The following AUTS2 variants were observed in gnomAD, a reference collection of about 807,000 sequenced individuals.
The protein encoded by AUTS2 is autism susceptibility gene 2 protein.
A neutral mutation model predicts 112.4 loss-of-function variants in AUTS2; 17 were observed. The observed-to-expected ratio is 0.15, with a 90% CI of 0.10 to 0.23. The LOEUF is 0.23. Among genes scored for constraint, AUTS2 ranks in the 10% least tolerant of loss-of-function variants. AUTS2 has a pLI of 1.00. For synonymous variants in AUTS2, 751 were observed against 702.7 expected (o/e 1.07, Z -1.09); for missense variants, 1,510 against 1,701.6 (o/e 0.89, Z 1.98).
chr7:70,720,099 T>C (rs1464533473), intron 6 of AUTS2, among the ~76,000 whole-genome samples: 1 of 152,140 alleles, frequency 6.6e-6, no homozygotes, highest in Non-Finnish European at 1.5e-5. Flanking sequence ...TCCCCTACTT[T>C]AAAAAGCCTT....
chr7:70,775,341 C>G lies in AUTS2; in HGVS notation c.1903-16C>G, dbSNP rs1790617630. 4 of 1,611,002 alleles carry G rather than the reference C, an allele frequency of 2.5e-6. No individual in the cohort carries two copies. The South Asian group carries it at 4.4e-5, about 18-fold the overall frequency. On this transcript the variant is annotated splice_polypyrimidine_tract_variant and intron_variant, in intron 12 of 18. Transcript: ENST00000342771. Reference sequence around the variant, plus strand: ...AGTGACAGGCATGTAACCAAGTTGTCATTTTCTCTTCACAGTTGACAGATC... The same window carrying G: ...AGTGACAGGCATGTAACCAAGTTGTGATTTTCTCTTCACAGTTGACAGATC...
At chr7:69,992,116 T>C (rs1798763981) in intron 2 of AUTS2, among the ~76,000 whole-genome samples, 1 of 152,240 alleles carries the variant, frequency 6.6e-6, no homozygotes, top group Non-Finnish European at 1.5e-5. Context: ...TTTTTGCTAG[T>C]GTTCCCATCT....
At chr7:69,847,799 G>T (rs1205522467) in intron 1 of AUTS2, among the ~76,000 whole-genome samples, 1 of 152,156 alleles carries the variant, frequency 6.6e-6, no homozygotes, top group African/African-American at 2.4e-5. Context: ...GAAGCTGGAG[G>T]GCTCTAAACT....
intron 1 of AUTS2, among the ~76,000 whole-genome samples, chr7:69,667,042 A>AG (rs1202901905): frequency 2.0e-5 from 3 of 152,194 alleles, no homozygotes; most frequent in Non-Finnish European, 4.4e-5. Flanking sequence ...GAGAAATCCA[A>AG]GGTTGAGGGG....
At chr7:70,456,068 A>G (rs924029829) in intron 5 of AUTS2, among the ~76,000 whole-genome samples, 4 of 152,202 alleles carry the variant, frequency 2.6e-5, no homozygotes, top group Admixed American at 2.6e-4. Flanking sequence ...AGGATGTAAT[A>G]AGATGTTTAT....
chr7:70,190,357 A>C (rs1033793831), intron 4 of AUTS2, among the ~76,000 whole-genome samples: 2 of 152,208 alleles, frequency 1.3e-5, no homozygotes, highest in Non-Finnish European at 2.9e-5. Context: ...TTTTCTTTCA[A>C]ATATGATAAT....
chr7:70,721,688 C>A (rs1461574799), intron 6 of AUTS2, among the ~76,000 whole-genome samples: 3 of 152,156 alleles, frequency 2.0e-5, no homozygotes, highest in African/African-American at 4.8e-5. Context: ...CAGATATTGA[C>A]CCTGAGTCTA....
chr7:70,717,099 A>G (rs1255945845), intron 6 of AUTS2, among the ~76,000 whole-genome samples: 2 of 150,742 alleles, frequency 1.3e-5, no homozygotes. Flanking sequence ...TGGCACGGTC[A>G]TAGCTTACTG....
chr7:70,204,860 G>T (rs11764141), intron 4 of AUTS2, among the ~76,000 whole-genome samples: 1 of 151,966 alleles, frequency 6.6e-6, no homozygotes, highest in Non-Finnish European at 1.5e-5. Flanking sequence ...TCCATATTCT[G>T]CTATCTATGG....
chr7:70,087,022 G>C (rs548292625), intron 2 of AUTS2, among the ~76,000 whole-genome samples: 6 of 151,702 alleles, frequency 4.0e-5, no homozygotes, highest in African/African-American at 1.4e-4. Context: ...GAAGTGGTGA[G>C]AGTGTACATG....
intron 5 of AUTS2, among the ~76,000 whole-genome samples, chr7:70,510,273 G>C (rs1481889553): frequency 6.6e-6 from 1 of 152,144 alleles, no homozygotes; most frequent in Non-Finnish European, 1.5e-5. Context: ...CATATCTTAG[G>C]CACTACAATT....
rs549991108 is a variant in AUTS2 at position 69,782,583 on chromosome 7, A to G, written c.310-116703A>G. Among the ~76,000 whole-genome samples the G allele has an allele frequency of 3.9e-5, 6 of 152,194 alleles. No homozygotes were observed. The South Asian group carries it at 1.2e-3, about 32-fold the overall frequency. On this transcript the variant is annotated intron_variant, in intron 1 of 18. Transcript: ENST00000342771. ...CTTTTTCCCAGCTGGTTCCTGGGTT[A>G]TATTGCCAAAGTCCCTGGTTGGTAT...
rs1808967840 is a variant in AUTS2, at chr7:70,694,636, G to C, written c.691-3933G>C. ...CTCTTCTCCGCCTCGCCCTCCCGCCGGCCGGCCCGGGACGCGCCTTGTTAG... is the reference window on the plus strand; with the variant it reads ...CTCTTCTCCGCCTCGCCCTCCCGCCCGCCGGCCCGGGACGCGCCTTGTTAG... On this transcript the variant is annotated intron_variant, in intron 5 of 18. Coordinates refer to ENST00000342771, the MANE Select transcript of AUTS2 (RefSeq NM_015570.4). This position sits in a 1 kb window ranked among gnomAD's most constrained non-coding sequence, Gnocchi z 4.1. The C allele has an allele frequency of 6.7e-6, 1 of 148,154 alleles. No individual in the cohort carries two copies. The highest frequency in any genetic ancestry group is 2.1e-4 in the South Asian group (1 of 4,812). 9.2% of individuals were successfully genotyped at this position (148,154 alleles called of 1,614,324 possible).
intron 4 of AUTS2, among the ~76,000 whole-genome samples, chr7:70,210,336 T>A (rs1306663760): frequency 6.6e-6 from 1 of 152,256 alleles, no homozygotes; most frequent in Non-Finnish European, 1.5e-5. Flanking sequence ...CAAAGGCTGC[T>A]GTGTAAAAGG....
At chr7:69,841,025 G>A (rs1235038740) in intron 1 of AUTS2, among the ~76,000 whole-genome samples, 1 of 152,154 alleles carries the variant, frequency 6.6e-6, no homozygotes, top group Non-Finnish European at 1.5e-5. Context: ...AACAATGGCG[G>A]TCACCACCTT....
At chr7:69,644,346 G>T (rs1376562651) in intron 1 of AUTS2, among the ~76,000 whole-genome samples, 2 of 151,212 alleles carry the variant, frequency 1.3e-5, no homozygotes, top group African/African-American at 2.4e-5. Flanking sequence ...TTTCTTCCAG[G>T]ACAAAAGTGA....
At chr7:70,378,482 G>C (rs1005846255) in intron 4 of AUTS2, among the ~76,000 whole-genome samples, 1 of 152,186 alleles carries the variant, frequency 6.6e-6, no homozygotes, top group African/African-American at 2.4e-5. Context: ...CTATGTACCA[G>C]GCACTGAGAT....
At chr7:70,338,165 CTA>C (rs1321330821) in intron 4 of AUTS2, among the ~76,000 whole-genome samples, 1 of 152,158 alleles carries the variant, frequency 6.6e-6, no homozygotes, top group Non-Finnish European at 1.5e-5. Context: ...ACTCTCTGCT[CTA>C]CATTTAATCA....
chr7:69,656,153 G>A (rs577003015), intron 1 of AUTS2, among the ~76,000 whole-genome samples: 2 of 152,302 alleles, frequency 1.3e-5, no homozygotes, highest in Admixed American at 1.3e-4. Flanking sequence ...TTTTCTTGGG[G>A]CCTGTTGGCA....
Sources: gnomAD v4.1 joint callset for allele counts (sites outside exome capture counted in the v4.1 genomes callset) on GRCh38, gnomAD v4.1.1 for gene constraint, Gnocchi (gnomAD v3.1) non-coding constraint, MANE v1.5 for transcripts, NCBI Gene and HGNC (gene_info 2026-07-23, HGNC 2026-07-21) for gene names.